Variants in RCAN1 observed in about 807,000 individuals in gnomAD.
The protein encoded by RCAN1 is calcipressin-1.
A neutral mutation model predicts 22.9 loss-of-function variants in RCAN1; 11 were observed. The ratio of observed to expected loss-of-function variants is 0.48; its 90% CI spans 0.30 to 0.79. RCAN1 has a LOEUF of 0.79. RCAN1 is among the 30% of genes least tolerant of loss of function. The probability of loss-of-function intolerance (pLI) is 0.06; values close to 1 mark genes in which losing one functional copy is unlikely to be tolerated. For missense variants in RCAN1, 291 were observed against 337.8 expected (o/e 0.86, Z 1.09); for synonymous variants, 136 against 142.3 (o/e 0.96, Z 0.32).
chr21:34,549,681 G>A (rs1187247934), intron 1 of RCAN1, among the ~76,000 whole-genome samples: 1 of 152,218 alleles, frequency 6.6e-6, no homozygotes, highest in Admixed American at 6.5e-5. Flanking sequence ...CCAAGATGGA[G>A]GACAATGATG....
intron 1 of RCAN1, among the ~76,000 whole-genome samples, chr21:34,612,527 T>C (rs1314470901): frequency 1.3e-5 from 2 of 152,158 alleles, no homozygotes; most frequent in Non-Finnish European, 2.9e-5. Context: ...GTCCCCTTTA[T>C]CCACACTGTC....
In RCAN1 at chr21:34,518,036, A is replaced by T; in HGVS notation, c.*48T>A. On this transcript the variant is annotated 3_prime_UTR_variant, in exon 4 of 4. Transcript: ENST00000313806. The surrounding 1 kb of genome is among the most constrained non-coding windows in gnomAD (Gnocchi z 4.2). ...TGACCAGCCACCTCCACAGTAAAAG[A>T]TTCCTCCCGTGAGTATGATTTGGAA... The T allele has an allele frequency of 3.7e-6, 6 of 1,603,540 alleles. No individual in the cohort carries two copies. The highest frequency in any genetic ancestry group is 5.1e-6 in the Non-Finnish European group (6 of 1,173,740).
chr21:34,611,773 T>C (rs1988693374), intron 1 of RCAN1, among the ~76,000 whole-genome samples: 1 of 152,126 alleles, frequency 6.6e-6, no homozygotes, highest in South Asian at 2.1e-4. Context: ...GACTGCCACA[T>C]TGAAACCGCA....
Position 34,523,618 on chromosome 21 carries a change from G to A in RCAN1, c.345C>T (p.Asn115=). Residue 115 remains asparagine, a synonymous_variant, in exon 2 of 4, where the codon AAC becomes AAT. Coordinates refer to ENST00000313806, the MANE Select transcript of RCAN1 (RefSeq NM_004414.7). ...SFKRVRINFS[N]PFSAADARLQ... The stretch of plus-strand genomic sequence containing the variant: ...GCCTGGCATCTGCTGCGGAGAAGGG[G>A]TTGCTGAAGTTTATTCTGACTCGTT... The A allele has an allele frequency of 1.2e-6, 2 of 1,614,138 alleles. No individual in the cohort carries two copies. The highest frequency in any genetic ancestry group is 1.1e-5 in the South Asian group (1 of 91,078).
rs1988780671 is a variant in RCAN1 at position 34,614,939 on chromosome 21, G to T, written c.73C>A (p.Arg25=). Reference sequence around the variant, plus strand: ...AAGGGCCGCAGCGTCACCCCGGGCCGCGCTCGCGCCTCGGCCGCCTCCGCC... The same window carrying T: ...AAGGGCCGCAGCGTCACCCCGGGCCTCGCTCGCGCCTCGGCCGCCTCCGCC... The part of the protein sequence containing the change: ...EAAEAAEARA[R]PGVTLRPFAP... The change falls in exon 1 of 4, where the codon CGG becomes AGG. Residue 25 remains arginine, a synonymous_variant. Coordinates refer to ENST00000313806, the MANE Select transcript of RCAN1 (RefSeq NM_004414.7). This position sits in a 1 kb window ranked among gnomAD's most constrained non-coding sequence, Gnocchi z 6.0. The T allele has an allele frequency of 3.1e-6, 4 of 1,279,190 alleles. No homozygotes were observed. The highest frequency in any genetic ancestry group is 3.0e-6 in the Non-Finnish European group (3 of 1,007,314). 79.2% of individuals were successfully genotyped at this position (1,279,190 alleles called of 1,614,324 possible). A position where few individuals can be genotyped will look rare whatever the true frequency, so the allele number is the denominator to read the frequency against.
chr21:34,606,323 C>T (rs1285034970), intron 1 of RCAN1, among the ~76,000 whole-genome samples: 1 of 152,152 alleles, frequency 6.6e-6, no homozygotes, highest in Non-Finnish European at 1.5e-5. Flanking sequence ...TGCTGTGCTG[C>T]CTGCTGCACC....
intron 1 of RCAN1, among the ~76,000 whole-genome samples, chr21:34,593,070 T>A (rs996263787): frequency 2.0e-5 from 3 of 152,210 alleles, no homozygotes; most frequent in African/African-American, 7.2e-5. Context: ...CTGACATGAG[T>A]TAAATCCTTC....
intron 1 of RCAN1, chr21:34,526,870 C>A: frequency 6.8e-7 from 1 of 1,461,368 alleles, no homozygotes; most frequent in Admixed American, 3.2e-5. Flanking sequence ...AGGGCCAGCC[C>A]CCACTCCCTG....
At position 34,523,517 on chromosome 21, in the gene RCAN1, T is replaced by C. The variant is rs1984763011; in HGVS notation, c.426+20A>G. On this transcript the variant is annotated intron_variant, in intron 2 of 3. Transcript: ENST00000313806. ...GGGAGGGAGGAGGGAGAAGCATGCA[T>C]AGCAATGAACCCAACTCACCTGAGC... is the stretch of plus-strand genomic sequence containing the variant. The C allele has an allele frequency of 6.2e-7, 1 of 1,611,942 alleles. No homozygotes were observed. Among genetic ancestry groups the C allele is most frequent in the Non-Finnish European group, 8.5e-7 (1 of 1,178,738 alleles).
At chr21:34,520,774 G>C (rs1230948808) in intron 3 of RCAN1, among the ~76,000 whole-genome samples, 1 of 152,168 alleles carries the variant, frequency 6.6e-6, no homozygotes, top group Admixed American at 6.5e-5. Context: ...ATCCTGCATT[G>C]AACACTGACT....
intron 1 of RCAN1, among the ~76,000 whole-genome samples, chr21:34,545,163 C>T (rs1026816174): frequency 6.6e-6 from 1 of 152,166 alleles, no homozygotes; most frequent in Admixed American, 6.5e-5. Flanking sequence ...AGCAAAGCTA[C>T]GAAAGCAGGC....
In RCAN1 at chr21:34,563,819, A is replaced by AGAGAGAGAGG. The variant is rs543543325; in HGVS notation, c.253-40110_253-40109insCCTCTCTCTC. On this transcript the variant is annotated intron_variant, in intron 1 of 3. Transcript: ENST00000313806. ...TAGAGAGAGAGAGAGAGAGAGAGAG[A>AGAGAGAGAGG]GGCAGGCATGGTGGCAGGTGCCTAT... 3.2e-4 allele frequency among the ~76,000 whole-genome samples: 45 copies of AGAGAGAGAGG among 138,754 alleles called. No individual in the cohort carries two copies. The South Asian group carries it at 4.7e-3, about 15-fold the overall frequency. 91.0% of individuals were successfully genotyped at this position (138,754 alleles called of 152,430 possible).
intron 1 of RCAN1, among the ~76,000 whole-genome samples, chr21:34,577,828 GGAGT>G (rs1987461341): frequency 6.6e-6 from 1 of 152,160 alleles, no homozygotes; most frequent in Non-Finnish European, 1.5e-5. Context: ...CTAATATGTA[GGAGT>G]GAGAGGGAAG....
At chr21:34,552,582 C>A (rs1173372041) in intron 1 of RCAN1, among the ~76,000 whole-genome samples, 1 of 152,062 alleles carries the variant, frequency 6.6e-6, no homozygotes, top group Non-Finnish European at 1.5e-5. Context: ...GCATCAGAAT[C>A]AATGGAAATG....
At chr21:34,527,229 A>G (rs1415820223) in intron 1 of RCAN1, among the ~76,000 whole-genome samples, 1 of 152,190 alleles carries the variant, frequency 6.6e-6, no homozygotes, top group Non-Finnish European at 1.5e-5. Flanking sequence ...TGTGGCAATA[A>G]ACAGCAATTA....
At position 34,587,508 on chromosome 21, in the gene RCAN1, T is replaced by C. The variant is rs374575221; in HGVS notation, c.252+27252A>G. 1.7e-4 allele frequency among the ~76,000 whole-genome samples: 26 copies of C among 152,220 alleles called. No homozygotes were observed. The East Asian group carries it at 2.7e-3, about 16-fold the overall frequency. On this transcript the variant is annotated intron_variant, in intron 1 of 3. Coordinates refer to ENST00000313806, the MANE Select transcript of RCAN1 (RefSeq NM_004414.7). The stretch of plus-strand genomic sequence containing the variant: ...AAAGAAAAGTGATCAGCCTATATCT[T>C]TCATGAACATAAACATAAAATTACA...
intron 1 of RCAN1, among the ~76,000 whole-genome samples, chr21:34,556,100 T>TAAATAAATAAATAAA (rs1568906248): frequency 4.2e-5 from 1 of 24,032 alleles, no homozygotes; most frequent in Admixed American, 5.5e-4. Flanking sequence ...AAATAAATAA[T>TAAATAAATAAATAAA]TAAAGGCCAA....
At chr21:34,571,210 T>G (rs1987223053) in intron 1 of RCAN1, among the ~76,000 whole-genome samples, 1 of 152,170 alleles carries the variant, frequency 6.6e-6, no homozygotes, top group Admixed American at 6.5e-5. Context: ...GGAGAATCAC[T>G]TGAACCCGGG....
intron 3 of RCAN1, 47 bp downstream of exon 3, chr21:34,521,452 C>T (rs764207871): frequency 6.2e-7 from 1 of 1,613,000 alleles, no homozygotes. Flanking sequence ...TGCAGGGCAG[C>T]AGCTGTGTCT....
Sources: gnomAD v4.1 joint callset for allele counts (sites outside exome capture counted in the v4.1 genomes callset) on GRCh38, gnomAD v4.1.1 for gene constraint, Gnocchi (gnomAD v3.1) non-coding constraint, MANE v1.5 for transcripts, NCBI Gene and HGNC (gene_info 2026-07-23, HGNC 2026-07-21) for gene names.